The following UQCC1 variants were observed in gnomAD, a reference collection of about 807,000 sequenced individuals.
UQCC1 encodes bFGF-repressed Zic-binding protein.
UQCC1 carries 38 observed loss-of-function variants against 48.0 expected under a neutral mutation model. That is an observed-to-expected ratio of 0.79 (90% CI 0.61 to 1.04). The LOEUF (loss-of-function observed/expected upper bound fraction) is 1.04. Among genes scored for constraint, UQCC1 ranks in the 50% least tolerant of loss-of-function variants. The pLI, the probability that UQCC1 is intolerant of heterozygous loss-of-function variation, is 0.00. For synonymous variants in UQCC1, 111 were observed against 129.2 expected (o/e 0.86, Z 0.95); for missense variants, 368 against 381.8 (o/e 0.96, Z 0.30).
intron 2 of UQCC1, chr20:35,384,690 C>T (rs2061917651): frequency 2.2e-6 from 1 of 445,804 alleles, no homozygotes; most frequent in Non-Finnish European, 4.5e-6. Flanking sequence ...ATTCAAAGGC[C>T]AGGTGGCGTG....
rs535409430 is a variant in UQCC1 at position 35,355,643 on chromosome 20, CT to C, written c.465-8372del. On this transcript the variant is annotated intron_variant, in intron 6 of 9. Transcript: ENST00000374385. ...TGAAGCCTATCACATTCAATTTACG[CT>C]TGTTTGATAACTGTTTTTAAAAGGT... 7.2e-5 allele frequency among the ~76,000 whole-genome samples: 11 copies of C among 152,178 alleles called. No individual in the cohort carries two copies. The South Asian group carries it at 2.3e-3, about 32-fold the overall frequency.
chr20:35,366,130 T>C (rs2146439145), intron 6 of UQCC1, among the ~76,000 whole-genome samples: 1 of 152,336 alleles, frequency 6.6e-6, no homozygotes, highest in East Asian at 1.9e-4. Flanking sequence ...ATGCACATTT[T>C]AGAGGTACAG....
rs3055772 is a variant in UQCC1, at chr20:35,393,503, A to AACACAC, written c.129+583_129+588dup. The stretch of plus-strand genomic sequence containing the variant: ...ACACACACACACACAAACACACACA[A>AACACAC]ACACACACACACACACACACACACA... On this transcript the variant is annotated intron_variant, in intron 2 of 9. Transcript: ENST00000374385. Among the ~76,000 whole-genome samples the AACACAC allele has an allele frequency of 2.4e-3, 359 of 146,890 alleles. 2 individuals carry two copies. The highest frequency in any genetic ancestry group is 8.2e-3 in the African/African-American group (329 of 39,944).
chr20:35,395,214 C>T (rs1480957761), intron 1 of UQCC1, among the ~76,000 whole-genome samples: 1 of 152,126 alleles, frequency 6.6e-6, no homozygotes, highest in Non-Finnish European at 1.5e-5. Flanking sequence ...CCCCTCTCCC[C>T]TTCCAAAAGT....
intron 7 of UQCC1, among the ~76,000 whole-genome samples, chr20:35,329,180 C>T (rs929652738): frequency 6.6e-6 from 1 of 152,132 alleles, no homozygotes; most frequent in Admixed American, 6.5e-5. Context: ...AGACAATTCC[C>T]GAACTCCGGG....
Position 35,350,507 on chromosome 20 carries a change from T to A in UQCC1, c.465-3235A>T, listed in dbSNP as rs1393540392. Reference sequence around the variant, plus strand: ...AGGTCAGGAGTTCGAGACCAACCTGTCCAACATGGTGAAACCCCATCTCTA... The same window carrying A: ...AGGTCAGGAGTTCGAGACCAACCTGACCAACATGGTGAAACCCCATCTCTA... On this transcript the variant is annotated intron_variant, in intron 6 of 9. Transcript: ENST00000374385. Among the ~76,000 whole-genome samples the A allele has an allele frequency of 8.4e-5, 12 of 143,170 alleles. No homozygotes were observed. The East Asian group carries it at 8.6e-4, about 10-fold the overall frequency. The allele number at this position is 143,170 out of a possible 152,430, so 93.9% of individuals were successfully genotyped here.
intron 1 of UQCC1, among the ~76,000 whole-genome samples, chr20:35,399,051 T>C (rs1001554342): frequency 3.9e-5 from 6 of 152,158 alleles, no homozygotes; most frequent in African/African-American, 1.4e-4. Context: ...TGCCATCAAA[T>C]AGCTGTGAAC....
intron 1 of UQCC1, among the ~76,000 whole-genome samples, chr20:35,396,568 G>A (rs1173466697): frequency 6.6e-6 from 1 of 152,098 alleles, no homozygotes; most frequent in Non-Finnish European, 1.5e-5. Flanking sequence ...TCCCCAAAAG[G>A]AGGAGGAAAC....
intron 7 of UQCC1, among the ~76,000 whole-genome samples, chr20:35,340,939 A>G (rs1031675383): frequency 6.6e-6 from 1 of 152,188 alleles, no homozygotes; most frequent in Non-Finnish European, 1.5e-5. Context: ...GAAAGATAAA[A>G]TACCAGCCGG....
At position 35,374,244 on chromosome 20, in the gene UQCC1, C is replaced by T; in HGVS notation, c.346G>A (p.Ala116Thr). Reference protein sequence around the residue: ...LKYSKWKIKIAALRMYTSCVE... With the variant: ...LKYSKWKIKITALRMYTSCVE... Reference sequence around the variant, plus strand: ...CAGCTAGTATACATGCGCAGGGCCGCAATCTTAATCTTCTAGACAAAGAGA... The same window carrying T: ...CAGCTAGTATACATGCGCAGGGCCGTAATCTTAATCTTCTAGACAAAGAGA... The change falls in exon 5 of 10, where the codon GCG becomes ACG. Residue 116 changes from alanine (A) to threonine (T), a missense_variant. Ala to Thr is a moderately conservative substitution (Grantham distance 58). Transcript: ENST00000374385. 1 of 1,611,638 alleles carries T rather than the reference C, an allele frequency of 6.2e-7. No homozygotes were observed. Among genetic ancestry groups the T allele is most frequent in the Non-Finnish European group, 8.5e-7 (1 of 1,179,090 alleles).
intron 7 of UQCC1, among the ~76,000 whole-genome samples, chr20:35,319,276 C>T (rs1055424978): frequency 1.3e-5 from 2 of 152,054 alleles, no homozygotes. Context: ...TTATTGAGTA[C>T]ATAAACTATG....
intron 7 of UQCC1, among the ~76,000 whole-genome samples, chr20:35,328,088 CT>C (rs2061216880): frequency 6.6e-6 from 1 of 151,324 alleles, no homozygotes; most frequent in African/African-American, 2.4e-5. Context: ...GGGTAATTCT[CT>C]TTTGTCCTCT....
chr20:35,410,717 A>AAAAAAAAC (rs1215392559), intron 1 of UQCC1, among the ~76,000 whole-genome samples: 1 of 117,902 alleles, frequency 8.5e-6, no homozygotes, highest in African/African-American at 3.5e-5. Context: ...AAAAAAAAAA[A>AAAAAAAAC]AAAAAAACAA....
At position 35,397,410 on chromosome 20, in the gene UQCC1, G is replaced by A. The variant is rs186989265; in HGVS notation, c.25-3214C>T. Among the ~76,000 whole-genome samples the A allele has an allele frequency of 3.0e-3, 449 of 150,856 alleles. 2 individuals are homozygous for A. Among genetic ancestry groups the A allele is most frequent in the African/African-American group, 0.01 (425 of 41,076 alleles). On this transcript the variant is annotated intron_variant, in intron 1 of 9. Coordinates refer to ENST00000374385, the MANE Select transcript of UQCC1 (RefSeq NM_018244.5). ...GGGCGCCTGTAATCCCAGCTACTCA[G>A]GAGGCTGAGGTAGGAGAATGGCATG...
rs1450349041 is a variant in UQCC1, at chr20:35,306,685, A to C, written c.746T>G (p.Val249Gly). The change falls in exon 9 of 10, where the codon GTA (valine) becomes GGA (glycine). Residue 249 changes from valine to glycine, a missense_variant. Coordinates refer to ENST00000374385, the MANE Select transcript of UQCC1 (RefSeq NM_018244.5). ...ACTCACCTGTTTCCTCACATACTCT[A>C]CCAGCAATTCAAGATGTCGAGGGTC... ...CEDPRHLELL[V>G]EYVRKQIQYL... 1 of 1,613,678 alleles carries C rather than the reference A, an allele frequency of 6.2e-7. No individual in the cohort carries two copies. The highest frequency in any genetic ancestry group is 1.7e-5 in the Admixed American group (1 of 60,002).
At chr20:35,400,108 T>C (rs1211047146) in intron 1 of UQCC1, among the ~76,000 whole-genome samples, 2 of 151,830 alleles carry the variant, frequency 1.3e-5, no homozygotes, top group Admixed American at 6.6e-5. Context: ...GTATTTTCGG[T>C]AGAGGCGGGG....
chr20:35,306,368 A>G (rs2060928352), intron 9 of UQCC1: 1 of 348,928 alleles, frequency 2.9e-6, no homozygotes, highest in Non-Finnish European at 5.5e-6. Context: ...AGCTGCTAGC[A>G]TAGCACTGGG....
intron 1 of UQCC1, among the ~76,000 whole-genome samples, chr20:35,406,291 CAA>C (rs2062249680): frequency 6.6e-6 from 1 of 152,064 alleles, no homozygotes; most frequent in African/African-American, 2.4e-5. Flanking sequence ...AGGATAAACA[CAA>C]AGAGAGCCAC....
At chr20:35,404,751 T>C (rs1284957134) in intron 1 of UQCC1, among the ~76,000 whole-genome samples, 1 of 151,266 alleles carries the variant, frequency 6.6e-6, no homozygotes, top group East Asian at 1.9e-4. Flanking sequence ...GAAGGCCCTA[T>C]TTCAAGGCTG....
Sources: gnomAD v4.1 joint callset for allele counts (sites outside exome capture counted in the v4.1 genomes callset) on GRCh38, gnomAD v4.1.1 for gene constraint, MANE v1.5 for transcripts, NCBI Gene and HGNC (gene_info 2026-07-23, HGNC 2026-07-21) for gene names.